Variants in GRIN2A observed in about 807,000 individuals in gnomAD.
The protein encoded by GRIN2A is glutamate ionotropic receptor NMDA type subunit 2A, also known as glutamate receptor ionotropic, NMDA 2A.
A neutral mutation model predicts 113.4 loss-of-function variants in GRIN2A; 22 were observed. The ratio of observed to expected loss-of-function variants is 0.19; its 90% confidence interval spans 0.14 to 0.28. GRIN2A has a LOEUF of 0.28. GRIN2A is among the 10% of genes least tolerant of loss of function. The pLI is 1.00. For synonymous variants in GRIN2A, 827 were observed against 738.4 expected, an observed-to-expected ratio of 1.12 and a Z score of -1.94; for missense variants, 1,502 against 1,887.0, an observed-to-expected ratio of 0.80 and a Z score of 3.78.
chr16:9,793,761 G>GTA (rs759442531), intron 11 of GRIN2A, among the ~76,000 whole-genome samples: 7 of 151,874 alleles, frequency 4.6e-5, no homozygotes, highest in East Asian at 1.9e-4. Flanking sequence ...ATATATGTAT[G>GTA]TATATATATA....
intron 2 of GRIN2A, among the ~76,000 whole-genome samples, chr16:10,166,196 G>T (rs2049919385): frequency 6.6e-6 from 1 of 152,072 alleles, no homozygotes; most frequent in Non-Finnish European, 1.5e-5. Context: ...ACTCTTCCTG[G>T]GCAGGTATTC....
intron 3 of GRIN2A, among the ~76,000 whole-genome samples, chr16:9,906,188 C>A (rs80075289): frequency 0.012 from 1,887 of 152,244 alleles, 41 homozygotes; most frequent in African/African-American, 0.042. Context: ...TGATCATGTG[C>A]CACCCTTCTC....
intron 2 of GRIN2A, among the ~76,000 whole-genome samples, chr16:10,030,550 G>C (rs548862072): frequency 3.9e-5 from 6 of 152,176 alleles, no homozygotes; most frequent in Non-Finnish European, 7.3e-5. Context: ...TCCTGGAAAG[G>C]TCTCACACAA....
At chr16:9,973,041 G>T (rs866311438) in intron 2 of GRIN2A, among the ~76,000 whole-genome samples, 2 of 152,304 alleles carry the variant, frequency 1.3e-5, no homozygotes, top group Middle Eastern at 3.4e-3. Flanking sequence ...GTTCCTGGGT[G>T]GGGGCCACAA....
intron 11 of GRIN2A, among the ~76,000 whole-genome samples, chr16:9,782,665 C>T (rs1902003327): frequency 6.6e-6 from 1 of 152,184 alleles, no homozygotes; most frequent in African/African-American, 2.4e-5. Flanking sequence ...GCATGCTGAC[C>T]TTGTACTAAT....
At chr16:9,904,717 C>T (rs1450896092) in intron 3 of GRIN2A, among the ~76,000 whole-genome samples, 1 of 152,188 alleles carries the variant, frequency 6.6e-6, no homozygotes, top group African/African-American at 2.4e-5. Flanking sequence ...AAGGGCCCCA[C>T]CCTCATGACA....
chr16:9,846,301 G>T (rs956535742), intron 5 of GRIN2A, among the ~76,000 whole-genome samples: 1 of 152,010 alleles, frequency 6.6e-6, no homozygotes, highest in Non-Finnish European at 1.5e-5. Flanking sequence ...AGAAAGCAAG[G>T]GCCTTTTTAG....
chr16:10,112,649 C>T (rs2048640731), intron 2 of GRIN2A: 9 of 765,006 alleles, frequency 1.2e-5, no homozygotes, highest in South Asian at 5.4e-5. Flanking sequence ...AGAAGAGCAG[C>T]AGCAGCCAGA....
intron 2 of GRIN2A, among the ~76,000 whole-genome samples, chr16:10,068,332 C>T (rs894621149): frequency 5.3e-5 from 8 of 152,204 alleles, no homozygotes; most frequent in African/African-American, 1.9e-4. Flanking sequence ...AATTGGCTCA[C>T]AGTTCTGCAG....
At chr16:9,806,133 C>CT (rs1227272104) in intron 10 of GRIN2A, among the ~76,000 whole-genome samples, 1 of 152,116 alleles carries the variant, frequency 6.6e-6, no homozygotes, top group African/African-American at 2.4e-5. Flanking sequence ...TTGTTTCCAA[C>CT]TTTTTTGGAA....
Position 9,828,922 on chromosome 16 carries a change from T to C in GRIN2A, c.2007+501A>G, listed in dbSNP as rs1397134793. Among the ~76,000 whole-genome samples, 6 of 152,216 alleles carry C rather than the reference T, an allele frequency of 3.9e-5. No individual in the cohort carries two copies. The East Asian group carries it at 1.2e-3, about 29-fold the overall frequency. On this transcript the variant is annotated intron_variant, in intron 9 of 12. Coordinates refer to ENST00000330684, the MANE Select transcript of GRIN2A (RefSeq NM_001134407.3). Reference sequence around the variant, plus strand: ...TCAGGTGAGTCAGAAGCGCTGATGCTGAGACTGATTTGGCTGTATGGAAAA... The same window carrying C: ...TCAGGTGAGTCAGAAGCGCTGATGCCGAGACTGATTTGGCTGTATGGAAAA...
intron 9 of GRIN2A, among the ~76,000 whole-genome samples, chr16:9,823,901 G>A (rs2042336007): frequency 6.6e-6 from 1 of 152,110 alleles, no homozygotes; most frequent in Admixed American, 6.5e-5. Context: ...AGGAGGGGAA[G>A]AGCACCCAGA....
chr16:10,077,281 T>C (rs2047890947), intron 2 of GRIN2A, among the ~76,000 whole-genome samples: 1 of 152,208 alleles, frequency 6.6e-6, no homozygotes, highest in South Asian at 2.1e-4. Flanking sequence ...TAATTTGTTA[T>C]AGCAGCAAAG....
intron 4 of GRIN2A, among the ~76,000 whole-genome samples, chr16:9,868,479 C>T (rs1055036561): frequency 6.6e-6 from 1 of 152,168 alleles, no homozygotes; most frequent in African/African-American, 2.4e-5. Context: ...GTTAGCCACA[C>T]TGGCCTCAAA....
chr16:9,837,900 A>C (rs145611719), intron 7 of GRIN2A, among the ~76,000 whole-genome samples: 1 of 152,344 alleles, frequency 6.6e-6, no homozygotes, highest in Non-Finnish European at 1.5e-5. Context: ...AAATTGAAGC[A>C]ACGAGTGCAA....
intron 2 of GRIN2A, among the ~76,000 whole-genome samples, chr16:9,956,211 G>A (rs973257716): frequency 7.9e-5 from 12 of 152,118 alleles, no homozygotes; most frequent in African/African-American, 2.9e-4. Context: ...TGTCCTGTGG[G>A]CTTTCTTGTG....
chr16:9,969,055 C>CA (rs2141730210), intron 2 of GRIN2A, among the ~76,000 whole-genome samples: 1 of 152,022 alleles, frequency 6.6e-6, no homozygotes, highest in South Asian at 2.1e-4. Flanking sequence ...TTTTTCACAG[C>CA]AAGTCTGAAA....
rs1160469201 is a variant in GRIN2A, at chr16:10,113,887, A to G, written c.414+66111T>C. Among the ~76,000 whole-genome samples, 6 of 152,312 alleles carry G rather than the reference A, an allele frequency of 3.9e-5. 1 individual carries two copies. In the East Asian group the frequency reaches 1.2e-3, roughly 29 times the overall value. On this transcript the variant is annotated intron_variant, in intron 2 of 12. Coordinates refer to ENST00000330684, the MANE Select transcript of GRIN2A (RefSeq NM_001134407.3). ...AGACTATTTCATGACCTTGAGGAGT[A>G]GAGTCTTGAAGGGCATCTTAAGATT... is the stretch of plus-strand genomic sequence containing the variant.
chr16:10,161,998 T>A (rs2049817501), intron 2 of GRIN2A, among the ~76,000 whole-genome samples: 2 of 152,192 alleles, frequency 1.3e-5, no homozygotes, highest in African/African-American at 4.8e-5. Context: ...ATTTGCAAAG[T>A]CCCTTTAGCC....
Sources: gnomAD v4.1 joint callset for allele counts (sites outside exome capture counted in the v4.1 genomes callset) on GRCh38, gnomAD v4.1.1 for gene constraint, MANE v1.5 for transcripts, NCBI Gene and HGNC (gene_info 2026-07-23, HGNC 2026-07-21) for gene names.